The following PLEK variants were observed in gnomAD, a reference collection of about 807,000 sequenced individuals.
PLEK encodes the protein platelet 47 kDa protein.
PLEK carries 25 observed loss-of-function variants against 43.9 expected under a neutral mutation model. The observed-to-expected ratio is 0.57, with a 90% CI of 0.41 to 0.79. The LOEUF is 0.79. Ranked by LOEUF, PLEK falls within the 30% of genes least tolerant of loss-of-function variation. The pLI is 0.00. For missense variants in PLEK, 396 were observed against 413.3 expected (o/e 0.96, Z 0.36); for synonymous variants, 152 against 144.4 (o/e 1.05, Z -0.38).
Position 68,382,619 on chromosome 2 carries a change from A to G in PLEK, c.458A>G (p.Asn153Ser), listed in dbSNP as rs773907488. ...CTAGAGAAGGACAAGAAGATTTTTA[A>G]TCACTGCTTCACAGGTAAAAGCACT... Reference protein sequence around the residue: ...LNLEKDKKIFNHCFTGNCVID... With the variant: ...LNLEKDKKIFSHCFTGNCVID... Residue 153 changes from asparagine (N) to serine (S), a missense_variant, in exon 4 of 9, where the codon AAT becomes AGT. Physicochemically the swap from Asn to Ser is conservative, Grantham distance 46 (BLOSUM62 1). Transcript: ENST00000234313. 6 of 1,592,854 alleles carry G rather than the reference A, an allele frequency of 3.8e-6. No individual in the cohort carries two copies. Among genetic ancestry groups the G allele is most frequent in the Non-Finnish European group, 4.3e-6 (5 of 1,160,808 alleles).
intron 1 of PLEK, among the ~76,000 whole-genome samples, chr2:68,375,242 G>A (rs781682476): frequency 6.6e-6 from 1 of 152,170 alleles, no homozygotes; most frequent in Admixed American, 6.5e-5. Flanking sequence ...TAGCAGGTGT[G>A]TAGAGGTATC....
chr2:68,371,198 A>G (rs6741159), intron 1 of PLEK, among the ~76,000 whole-genome samples: 24,742 of 152,118 alleles, frequency 0.16, 2,560 homozygotes, highest in African/African-American at 0.3. Context: ...AGCATGCTTG[A>G]ATACTTCTCT....
intron 5 of PLEK, among the ~76,000 whole-genome samples, chr2:68,387,010 A>T (rs1259340573): frequency 2.0e-5 from 3 of 152,000 alleles, no homozygotes; most frequent in East Asian, 3.9e-4. Context: ...ACTTATTATT[A>T]TTTTTTATTT....
rs139466919 is a variant in PLEK at position 68,380,691 on chromosome 2, C to T, written c.199-32C>T. 3.0e-4 allele frequency: 484 copies of T among 1,602,064 alleles called. 4 individuals carry two copies. In the African/African-American group the frequency reaches 5.8e-3, roughly 19 times the overall value. Reference sequence around the variant, plus strand: ...AGGGGCCCCAAGCCCTTGAAATAAGCCATTTCTAATGGGATGTGTTTTGAT... The same window carrying T: ...AGGGGCCCCAAGCCCTTGAAATAAGTCATTTCTAATGGGATGTGTTTTGAT... On this transcript the variant is annotated intron_variant, in intron 2 of 8. Coordinates refer to ENST00000234313, the MANE Select transcript of PLEK (RefSeq NM_002664.3).
chr2:68,380,659 C>A, intron 2 of PLEK, 64 bp from the exon 3 acceptor site: 1 of 1,525,398 alleles, frequency 6.6e-7, no homozygotes, highest in Non-Finnish European at 8.9e-7. Flanking sequence ...ATGGCCTCTG[C>A]TTCATGAGGG....
intron 4 of PLEK, among the ~76,000 whole-genome samples, chr2:68,385,268 A>G (rs1192464732): frequency 1.3e-5 from 2 of 152,192 alleles, no homozygotes; most frequent in Non-Finnish European, 2.9e-5. Context: ...GTAAGAACAA[A>G]CATGCTGTTT....
intron 4 of PLEK, among the ~76,000 whole-genome samples, chr2:68,383,190 T>C (rs74687442): frequency 3.3e-5 from 5 of 152,196 alleles, no homozygotes; most frequent in African/African-American, 9.7e-5. Flanking sequence ...CTTCACTTTC[T>C]CTGTCTATTT....
intron 4 of PLEK, among the ~76,000 whole-genome samples, chr2:68,383,266 C>T (rs1673666689): frequency 6.6e-6 from 1 of 152,168 alleles, no homozygotes; most frequent in Non-Finnish European, 1.5e-5. Context: ...TAGTGCCTGG[C>T]ACACACTCAG....
At chr2:68,379,423 C>T (rs1254656669) in intron 1 of PLEK, among the ~76,000 whole-genome samples, 3 of 152,092 alleles carry the variant, frequency 2.0e-5, no homozygotes, top group Non-Finnish European at 4.4e-5. Context: ...AAAATGAAAA[C>T]CCTTCCAACC....
At chr2:68,376,066 A>C (rs1673494871) in intron 1 of PLEK, among the ~76,000 whole-genome samples, 1 of 152,176 alleles carries the variant, frequency 6.6e-6, no homozygotes, top group Non-Finnish European at 1.5e-5. Context: ...TATTCAGATA[A>C]AATCTGATTA....
chr2:68,372,104 T>C (rs1015305497), intron 1 of PLEK, among the ~76,000 whole-genome samples: 12 of 152,220 alleles, frequency 7.9e-5, no homozygotes, highest in Non-Finnish European at 1.8e-4. Context: ...TTTTTAATCA[T>C]ATGATGATAC....
chr2:68,367,795 GA>G (rs1673313265), intron 1 of PLEK, among the ~76,000 whole-genome samples: 1 of 152,212 alleles, frequency 6.6e-6, no homozygotes. Context: ...AAAAATCTTT[GA>G]AAAGGCTCTT....
rs140976549 is a variant in PLEK, at chr2:68,394,088, C to A, written c.847-19C>A. 2 of 1,567,976 alleles carry A rather than the reference C, an allele frequency of 1.3e-6. No homozygotes were observed. The highest frequency in any genetic ancestry group is 1.8e-6 in the Non-Finnish European group (2 of 1,138,146). On this transcript the variant is annotated intron_variant, in intron 7 of 8. Transcript: ENST00000234313. ...CTCTGCATTTTGGAAACATAATGAA[C>A]AACTCCTTTCTTCTTTAGGCAGAAG...
chr2:68,370,687 T>C (rs969580590), intron 1 of PLEK, among the ~76,000 whole-genome samples: 2 of 152,186 alleles, frequency 1.3e-5, no homozygotes, highest in African/African-American at 4.8e-5. Context: ...GGTTTCACCA[T>C]GTTGGCCAGG....
intron 6 of PLEK, among the ~76,000 whole-genome samples, chr2:68,392,525 T>G (rs1157086870): frequency 1.3e-5 from 2 of 152,222 alleles, no homozygotes; most frequent in Non-Finnish European, 2.9e-5. Flanking sequence ...CCACCTTGCC[T>G]CTGCTACTCT....
intron 4 of PLEK, among the ~76,000 whole-genome samples, chr2:68,385,372 G>A (rs1192514610): frequency 6.6e-6 from 1 of 152,138 alleles, no homozygotes; most frequent in African/African-American, 2.4e-5. Flanking sequence ...CCAGAAGATT[G>A]CTTAAATGAC....
rs143977144 is a variant in PLEK at position 68,386,586 on chromosome 2, A to G, written c.557A>G (p.Asn186Ser). ...EGLMIASSLL[N>S]EGYLQPAGDM... ...CTCATGATTGCTTCATCGCTGCTCA[A>G]TGAGGGGTATCTGCAGCCTGCTGGA... Residue 186 changes from asparagine to serine, a missense_variant, in exon 5 of 9, where the codon AAT becomes AGT. Physicochemically the swap from Asn to Ser is conservative, Grantham distance 46. Coordinates refer to ENST00000234313, the MANE Select transcript of PLEK (RefSeq NM_002664.3). The G allele has an allele frequency of 3.2e-5, 52 of 1,613,602 alleles. No individual in the cohort carries two copies. Among genetic ancestry groups the G allele is most frequent in the Admixed American group, 5.0e-5 (3 of 60,008 alleles).
intron 4 of PLEK, 66 bp from the exon 5 acceptor site, chr2:68,386,436 G>T: frequency 7.7e-7 from 1 of 1,293,000 alleles, no homozygotes; most frequent in Middle Eastern, 2.6e-4. Flanking sequence ...GTCAGTTCAG[G>T]GGTGATTGTC....
chr2:68,394,988 A>G (rs1309354497), intron 8 of PLEK, among the ~76,000 whole-genome samples: 1 of 150,216 alleles, frequency 6.7e-6, no homozygotes, highest in African/African-American at 2.5e-5. Context: ...ACCTAGAATT[A>G]TACTTTGGTT....
Sources: allele counts gnomAD v4.1 joint callset (sites outside exome capture counted in the v4.1 genomes callset), GRCh38; gene constraint gnomAD v4.1.1; transcripts MANE v1.5; gene names NCBI Gene and HGNC (gene_info 2026-07-23, HGNC 2026-07-21).